FBXO31: variants seen among roughly 807,000 people sequenced by gnomAD.
FBXO31 encodes the protein F-box only protein 31.
A neutral mutation model predicts 54.4 loss-of-function variants in FBXO31; 24 were observed. The observed-to-expected ratio is 0.44, with a 90% CI of 0.32 to 0.62. The LOEUF is 0.62. Among genes scored for constraint, FBXO31 ranks in the 20% least tolerant of loss-of-function variants. FBXO31 has a pLI of 0.05. For missense variants in FBXO31, 665 were observed against 787.1 expected (o/e 0.84, Z 1.86); for synonymous variants, 388 against 335.6 (o/e 1.16, Z -1.71).
At chr16:87,372,031 C>A (rs996656130) in intron 1 of FBXO31, among the ~76,000 whole-genome samples, 2 of 152,066 alleles carry the variant, frequency 1.3e-5, no homozygotes, top group African/African-American at 4.8e-5. Flanking sequence ...CGAGACCAGT[C>A]TGGACAACAT....
chr16:87,373,453 A>G (rs779270239), intron 1 of FBXO31, among the ~76,000 whole-genome samples: 1 of 152,020 alleles, frequency 6.6e-6, no homozygotes, highest in Non-Finnish European at 1.5e-5. Flanking sequence ...CGCTGTCTCA[A>G]AAAAAATAAT....
intron 2 of FBXO31, among the ~76,000 whole-genome samples, chr16:87,359,410 C>A (rs1906037054): frequency 6.6e-6 from 1 of 152,194 alleles, no homozygotes; most frequent in Non-Finnish European, 1.5e-5. Context: ...TGTGTACACT[C>A]CTATGGCTGT....
intron 3 of FBXO31, 104 bp from the exon 4 acceptor site, chr16:87,343,869 A>G (rs1204830979): frequency 1.6e-6 from 2 of 1,275,866 alleles, no homozygotes; most frequent in African/African-American, 1.5e-5. Flanking sequence ...AGCTCCTGCC[A>G]GACCAGCACA....
intron 2 of FBXO31, among the ~76,000 whole-genome samples, chr16:87,347,853 G>C (rs181126512): frequency 7.1e-4 from 108 of 152,310 alleles, no homozygotes; most frequent in African/African-American, 2.5e-3. Context: ...AGCTGGACTA[G>C]ACCTGCCAAA....
Position 87,334,063 on chromosome 16 carries a change from G to A in FBXO31, c.1220C>T (p.Pro407Leu). ...GCCCTTGCTGGGCGCCTCTGCCCTG[G>A]GCTGGGCAGGGCTTGGCTGGGACTC... is the stretch of plus-strand genomic sequence containing the variant. ...PRESQPSPAQ[P>L]RAEAPSKGPD... The change falls in exon 8 of 9, where the codon CCC becomes CTC. Residue 407 changes from proline to leucine, a missense_variant. Transcript: ENST00000311635. The A allele has an allele frequency of 1.9e-6, 3 of 1,611,424 alleles. No homozygotes were observed. The highest frequency in any genetic ancestry group is 2.5e-6 in the Non-Finnish European group (3 of 1,179,044).
rs1904666893 is a variant in FBXO31 at position 87,326,988 on chromosome 16, G to A, written c.*4300C>T. On this transcript the variant is annotated 3_prime_UTR_variant, in exon 9 of 9. Coordinates refer to ENST00000311635, the MANE Select transcript of FBXO31 (RefSeq NM_024735.5). ...AAAGAAATCACAAAACACACAACAAGCCTTCAAAAACGGATTTACTTGAAA... is the reference window on the plus strand; with the variant it reads ...AAAGAAATCACAAAACACACAACAAACCTTCAAAAACGGATTTACTTGAAA... 1 of 152,296 alleles carries A rather than the reference G, an allele frequency of 6.6e-6. No individual in the cohort carries two copies. The highest frequency in any genetic ancestry group is 1.5e-5 in the Non-Finnish European group (1 of 68,068). 9.4% of individuals were successfully genotyped at this position (152,296 alleles called of 1,614,324 possible). A position where few individuals can be genotyped will look rare whatever the true frequency, so the allele number is the denominator to read the frequency against.
At chr16:87,339,140 G>A (rs551393142) in intron 5 of FBXO31, among the ~76,000 whole-genome samples, 4 of 152,314 alleles carry the variant, frequency 2.6e-5, no homozygotes, top group East Asian at 1.9e-4. Context: ...TATCAGCAGC[G>A]TGAAAATGGA....
At chr16:87,362,132 T>C (rs1906160385) in intron 1 of FBXO31, among the ~76,000 whole-genome samples, 1 of 150,686 alleles carries the variant, frequency 6.6e-6, no homozygotes, top group African/African-American at 2.5e-5. Flanking sequence ...TGATTCCAGA[T>C]CTAGGCCGGG....
chr16:87,356,717 T>A (rs1278959599), intron 2 of FBXO31, among the ~76,000 whole-genome samples: 1 of 152,228 alleles, frequency 6.6e-6, no homozygotes, highest in Admixed American at 6.5e-5. Flanking sequence ...TTACTCTTTC[T>A]GCTTTCAGTT....
chr16:87,331,170 G>A lies in FBXO31; in HGVS notation c.*118C>T, dbSNP rs1904840562. The A allele has an allele frequency of 6.2e-6, 6 of 961,328 alleles. No homozygotes were observed. Among genetic ancestry groups the A allele is most frequent in the East Asian group, 2.6e-5 (1 of 38,044 alleles). The allele number at this position is 961,328 out of a possible 1,614,324, so 59.5% of individuals were successfully genotyped here. On this transcript the variant is annotated 3_prime_UTR_variant, in exon 9 of 9. Coordinates refer to ENST00000311635, the MANE Select transcript of FBXO31 (RefSeq NM_024735.5). ...GGGGGGTGGCTGGACTGGGCCCCCC[G>A]ACGAGGTGTGCGTTCTGGTCAAAAG...
intron 1 of FBXO31, among the ~76,000 whole-genome samples, chr16:87,376,080 C>T (rs1255376935): frequency 3.9e-5 from 6 of 152,074 alleles, no homozygotes; most frequent in Non-Finnish European, 8.8e-5. Flanking sequence ...CAGTGTATTC[C>T]CCCTGCCCTC....
chr16:87,355,930 G>C (rs1293257112), intron 2 of FBXO31, among the ~76,000 whole-genome samples: 2 of 152,204 alleles, frequency 1.3e-5, no homozygotes, highest in African/African-American at 2.4e-5. Flanking sequence ...GCACATTCCA[G>C]AGAAATAGTG....
upstream of FBXO31, among the ~76,000 whole-genome samples, chr16:87,390,734 C>T (rs1430055442): frequency 6.6e-6 from 1 of 152,142 alleles, no homozygotes; most frequent in Non-Finnish European, 1.5e-5. Flanking sequence ...GTCGCCGCAC[C>T]TGGCGCGAGA....
Position 87,335,586 on chromosome 16 carries a change from G to A in FBXO31, c.843-129C>T. The A allele has an allele frequency of 9.2e-7, 1 of 1,092,716 alleles. No homozygotes were observed. The allele number at this position is 1,092,716 out of a possible 1,614,324, so 67.7% of individuals were successfully genotyped here. A position where few individuals can be genotyped will look rare whatever the true frequency, so the allele number is the denominator to read the frequency against. On this transcript the variant is annotated intron_variant, in intron 6 of 8. Transcript: ENST00000311635. The surrounding 1 kb of genome is among the most constrained non-coding windows in gnomAD (Gnocchi z 5.7). ...CAGCTCAGCTCAACCAGGGCCAGGT[G>A]TCCACCAGGCCTGTGGGCAGCAATG...
At chr16:87,380,852 T>A (rs759596353) in intron 1 of FBXO31, among the ~76,000 whole-genome samples, 34 of 152,246 alleles carry the variant, frequency 2.2e-4, no homozygotes, top group Admixed American at 2.1e-3. Flanking sequence ...TTCACATTTC[T>A]GTTAGTAATT....
rs1014705571 is a variant in FBXO31 at position 87,337,069 on chromosome 16, A to C, written c.733-805T>G. Reference sequence around the variant, plus strand: ...TGCTCCAAACTCCGACAAGAAACAGAAATCACTGCAGGAGCTGCACTGAGC... The same window carrying C: ...TGCTCCAAACTCCGACAAGAAACAGCAATCACTGCAGGAGCTGCACTGAGC... On this transcript the variant is annotated intron_variant, in intron 5 of 8. Transcript: ENST00000311635. Among the ~76,000 whole-genome samples, 5 of 152,356 alleles carry C rather than the reference A, an allele frequency of 3.3e-5. No homozygotes were observed. In the South Asian group the frequency reaches 1.0e-3, roughly 32 times the overall value.
At chr16:87,376,123 G>T (rs1377002095) in intron 1 of FBXO31, among the ~76,000 whole-genome samples, 3 of 152,122 alleles carry the variant, frequency 2.0e-5, no homozygotes, top group East Asian at 1.9e-4. Context: ...TTTAGAAAGA[G>T]CCTTAAACAC....
Position 87,383,382 on chromosome 16 carries a change from C to CAA in FBXO31, c.340+22_340+23insTT. ...GGCAGGGACCCCCCGCCCCTCCCGG[C>CAA]CCCGCCACCCCCGCGCGCTCACCCT... On this transcript the variant is annotated intron_variant, in intron 1 of 8. Transcript: ENST00000311635. This position sits in a 1 kb window ranked among gnomAD's most constrained non-coding sequence, Gnocchi z 4.9. The CAA allele has an allele frequency of 6.7e-7, 1 of 1,497,928 alleles. No homozygotes were observed. The highest frequency in any genetic ancestry group is 9.0e-7 in the Non-Finnish European group (1 of 1,116,322). 92.8% of individuals were successfully genotyped at this position (1,497,928 alleles called of 1,614,324 possible). A position where few individuals can be genotyped will look rare whatever the true frequency, so the allele number is the denominator to read the frequency against.
chr16:87,331,450 C>G lies in FBXO31; in HGVS notation c.1458G>C (p.Gly486=), dbSNP rs370695305. The part of the protein sequence containing the change: ...HGFTSPERTP[G]VFILFDEDRF... Reference sequence around the variant, plus strand: ...GGTCCTCATCGAAGAGGATGAAGACCCCGGGGGTGCGTTCAGGGCTGGTGA... The same window carrying G: ...GGTCCTCATCGAAGAGGATGAAGACGCCGGGGGTGCGTTCAGGGCTGGTGA... Residue 486 remains glycine (G), a synonymous_variant, in exon 9 of 9, where the codon GGG becomes GGC. Transcript: ENST00000311635. The G allele has an allele frequency of 2.8e-5, 45 of 1,613,604 alleles. 1 individual carries two copies. In the African/African-American group the frequency reaches 4.1e-4, roughly 15 times the overall value.
Sources: gnomAD v4.1 joint callset for allele counts (sites outside exome capture counted in the v4.1 genomes callset) on GRCh38, gnomAD v4.1.1 for gene constraint, Gnocchi (gnomAD v3.1) non-coding constraint, MANE v1.5 for transcripts, NCBI Gene and HGNC (gene_info 2026-07-23, HGNC 2026-07-21) for gene names.